Variants in GRM8 observed in about 807,000 individuals in gnomAD.
GRM8 encodes the protein glutamate metabotropic receptor 8, also known as metabotropic glutamate receptor 8.
A neutral mutation model predicts 87.2 loss-of-function variants in GRM8; 47 were observed. That is an observed-to-expected ratio of 0.54 (90% CI 0.43 to 0.69). GRM8 has a LOEUF of 0.69. Ranked by LOEUF, GRM8 falls within the 30% of genes least tolerant of loss-of-function variation. GRM8 has a pLI of 0.00. For missense variants in GRM8, 1,019 were observed against 1,139.2 expected (o/e 0.89, Z 1.52); for synonymous variants, 396 against 404.5 (o/e 0.98, Z 0.25).
At chr7:126,724,746 A>T (rs1240517668) in intron 7 of GRM8, among the ~76,000 whole-genome samples, 1 of 151,690 alleles carries the variant, frequency 6.6e-6, no homozygotes, top group Non-Finnish European at 1.5e-5. Context: ...ACATATGTAT[A>T]ATAAACTATT....
intron 6 of GRM8, among the ~76,000 whole-genome samples, chr7:126,806,542 T>A (rs1183445571): frequency 4.6e-5 from 7 of 152,264 alleles, no homozygotes; most frequent in African/African-American, 1.7e-4. Flanking sequence ...GAGAGCTGAT[T>A]GGTCCGTTTT....
intron 3 of GRM8, among the ~76,000 whole-genome samples, chr7:127,084,048 G>A (rs1353938079): frequency 1.3e-5 from 2 of 152,070 alleles, no homozygotes; most frequent in Admixed American, 1.3e-4. Context: ...ATACATTTGT[G>A]GCTTATCTGC....
At chr7:126,976,517 C>T (rs2131822227) in intron 3 of GRM8, among the ~76,000 whole-genome samples, 1 of 152,192 alleles carries the variant, frequency 6.6e-6, no homozygotes, top group South Asian at 2.1e-4. Flanking sequence ...TCGCTTGAAC[C>T]TAGGAGGCGG....
chr7:126,900,716 C>A (rs1253697071), intron 6 of GRM8, among the ~76,000 whole-genome samples: 2 of 152,010 alleles, frequency 1.3e-5, no homozygotes, highest in Admixed American at 1.3e-4. Context: ...CACCATGTTG[C>A]CCAGGCTGGT....
intron 3 of GRM8, among the ~76,000 whole-genome samples, chr7:127,069,375 G>C (rs889762173): frequency 1.3e-5 from 2 of 152,100 alleles, no homozygotes; most frequent in Middle Eastern, 3.2e-3. Context: ...TGTTGGCCAG[G>C]CTGGTCTCTG....
At chr7:126,820,115 T>C (rs1794164330) in intron 6 of GRM8, among the ~76,000 whole-genome samples, 2 of 152,372 alleles carry the variant, frequency 1.3e-5, no homozygotes, top group South Asian at 4.1e-4. Context: ...TTAATGGCTA[T>C]TTTTTGAACA....
intron 3 of GRM8, among the ~76,000 whole-genome samples, chr7:127,022,282 G>A (rs545577037): frequency 4.6e-5 from 7 of 151,816 alleles, no homozygotes; most frequent in Non-Finnish European, 8.8e-5. Context: ...TAGTTCCAAT[G>A]TGGTCTGTAA....
chr7:126,460,789 A>T (rs1803810137), intron 9 of GRM8, among the ~76,000 whole-genome samples: 1 of 151,580 alleles, frequency 6.6e-6, no homozygotes, highest in South Asian at 2.1e-4. Flanking sequence ...AGTCCCTCCC[A>T]CAACAGTTTG....
intron 6 of GRM8, among the ~76,000 whole-genome samples, chr7:126,833,761 G>A (rs1416471292): frequency 1.3e-5 from 2 of 152,070 alleles, no homozygotes; most frequent in African/African-American, 2.4e-5. Context: ...TTGGGATCAG[G>A]GAGGACATAA....
chr7:126,910,617 T>G (rs1268418643), intron 3 of GRM8, among the ~76,000 whole-genome samples: 1 of 152,240 alleles, frequency 6.6e-6, no homozygotes, highest in Non-Finnish European at 1.5e-5. Context: ...AAATGGGATC[T>G]GCCTCCCAAA....
At chr7:127,186,244 C>T (rs1587228104) in intron 2 of GRM8, among the ~76,000 whole-genome samples, 1 of 151,948 alleles carries the variant, frequency 6.6e-6, no homozygotes, top group Admixed American at 6.6e-5. Flanking sequence ...GGAAAATGAC[C>T]TTATATTTTG....
chr7:127,021,919 G>T (rs906710676), intron 3 of GRM8, among the ~76,000 whole-genome samples: 2 of 151,992 alleles, frequency 1.3e-5, no homozygotes, highest in African/African-American at 2.4e-5. Context: ...TAACAATTTT[G>T]TGTCCTTCCA....
At chr7:126,672,658 A>C (rs1372604928) in intron 7 of GRM8, among the ~76,000 whole-genome samples, 1 of 152,208 alleles carries the variant, frequency 6.6e-6, no homozygotes, top group Admixed American at 6.5e-5. Context: ...GCAAAAGGGT[A>C]AAGTTCCTCT....
intron 8 of GRM8, among the ~76,000 whole-genome samples, chr7:126,596,136 C>G (rs1195275183): frequency 2.0e-5 from 3 of 152,106 alleles, no homozygotes; most frequent in African/African-American, 7.2e-5. Flanking sequence ...ACAAAAACCC[C>G]AAAAACCAAA....
intron 6 of GRM8, among the ~76,000 whole-genome samples, chr7:126,871,862 C>A (rs1033547905): frequency 6.6e-6 from 1 of 152,150 alleles, no homozygotes; most frequent in Admixed American, 6.6e-5. Context: ...AATACTAGAA[C>A]TGTTAAATTA....
chr7:127,000,638 C>T (rs142104928), intron 3 of GRM8, among the ~76,000 whole-genome samples: 1 of 151,490 alleles, frequency 6.6e-6, no homozygotes, highest in Non-Finnish European at 1.5e-5. Context: ...TGTATAAATA[C>T]CTAGAATTGG....
intron 3 of GRM8, among the ~76,000 whole-genome samples, chr7:127,100,452 A>G (rs2133018880): frequency 6.6e-6 from 1 of 152,316 alleles, no homozygotes; most frequent in Admixed American, 6.5e-5. Context: ...GTTACCTCCC[A>G]TTGCAATGTC....
intron 6 of GRM8, among the ~76,000 whole-genome samples, chr7:126,825,966 C>T (rs1794743911): frequency 6.6e-6 from 1 of 150,610 alleles, no homozygotes; most frequent in Non-Finnish European, 1.5e-5. Context: ...TGAGAACATG[C>T]AGTGTTTAGT....
At chr7:126,892,747 C>A (rs1199006435) in intron 6 of GRM8, among the ~76,000 whole-genome samples, 2 of 152,030 alleles carry the variant, frequency 1.3e-5, no homozygotes, top group Admixed American at 6.6e-5. Context: ...GTTTACAGTC[C>A]CACCAACAGT....
Sources: gnomAD v4.1 joint callset for allele counts (sites outside exome capture counted in the v4.1 genomes callset) on GRCh38, gnomAD v4.1.1 for gene constraint, MANE v1.5 for transcripts, NCBI Gene and HGNC (gene_info 2026-07-23, HGNC 2026-07-21) for gene names.